LRRK2: variants seen among roughly 807,000 people sequenced by gnomAD.
LRRK2 encodes leucine-rich repeat serine/threonine-protein kinase 2.
LRRK2 carries 203 observed loss-of-function variants against 302.6 expected under a neutral mutation model. That is an observed-to-expected ratio of 0.67 (90% CI 0.60 to 0.75). The LOEUF is 0.75. Among genes scored for constraint, LRRK2 ranks in the 30% least tolerant of loss-of-function variants. The pLI is 0.00. For missense variants in LRRK2, 2,830 were observed against 2,951.0 expected, an observed-to-expected ratio of 0.96 and a Z score of 0.95; for synonymous variants, 1,066 against 1,031.9, an observed-to-expected ratio of 1.03 and a Z score of -0.63.
At chr12:40,326,140 G>A (rs2136905679) in intron 38 of LRRK2, among the ~76,000 whole-genome samples, 1 of 152,262 alleles carries the variant, frequency 6.6e-6, no homozygotes, top group African/African-American at 2.4e-5. Context: ...TAATGCAGCG[G>A]CGATTCTCAA....
intron 31 of LRRK2, 100 bp downstream of exon 31, chr12:40,310,749 G>T (rs908250586): frequency 8.2e-7 from 1 of 1,220,588 alleles, no homozygotes; most frequent in African/African-American, 1.5e-5. Context: ...AAAATTGTGG[G>T]TTTTCTTTCC....
intron 38 of LRRK2, among the ~76,000 whole-genome samples, chr12:40,325,350 A>T (rs1322141827): frequency 6.6e-6 from 1 of 152,012 alleles, no homozygotes; most frequent in African/African-American, 2.4e-5. Flanking sequence ...GTTTGTGATT[A>T]CTCTCCCTTC....
In LRRK2 at chr12:40,225,223, A is replaced by G; in HGVS notation, c.92A>G (p.Gln31Arg). ...CTGAACAATGTCCAGGAAGGAAAAC[A>G]GATAGAAACGCTGGTCCAAATCCTG... ...VRLNNVQEGK[Q>R]IETLVQILED... is the part of the protein sequence containing the mutation. Residue 31 changes from glutamine (Q) to arginine (R), a missense_variant, in exon 1 of 51, where the codon CAG becomes CGG. Gln to Arg is a conservative substitution (Grantham distance 43, BLOSUM62 1). This residue lies in a region of LRRK2 where 2,121 missense variants were observed against 2,148.0 expected (regional missense o/e 0.99). Coordinates refer to ENST00000298910, the MANE Select transcript of LRRK2 (RefSeq NM_198578.4). The G allele has an allele frequency of 6.2e-7, 1 of 1,614,216 alleles. No homozygotes were observed. Among genetic ancestry groups the G allele is most frequent in the Non-Finnish European group, 8.5e-7 (1 of 1,180,028 alleles).
chr12:40,257,926 G>A lies in LRRK2; in HGVS notation c.1418+549G>A, dbSNP rs1942595947. ...TATGTGTGGATGGTGGTGGGGCAGG[G>A]TGGGATGAGGTGGGGGTGAGGGGTG... On this transcript the variant is annotated intron_variant, in intron 12 of 50. Transcript: ENST00000298910. 3.3e-5 allele frequency among the ~76,000 whole-genome samples: 5 copies of A among 151,276 alleles called. 1 individual carries two copies. The South Asian group carries it at 1.0e-3, about 32-fold the overall frequency.
chr12:40,229,211 C>A (rs936674846), intron 2 of LRRK2, among the ~76,000 whole-genome samples: 1 of 151,990 alleles, frequency 6.6e-6, no homozygotes, highest in African/African-American at 2.4e-5. Flanking sequence ...CTGTAAGTAT[C>A]CTTTACTGCT....
In LRRK2 at chr12:40,368,485, T is replaced by A; in HGVS notation, c.*720T>A. 6.6e-6 allele frequency: 1 copy of A among 151,854 alleles called. No homozygotes were observed. Among genetic ancestry groups the A allele is most frequent in the Non-Finnish European group, 1.5e-5 (1 of 67,756 alleles). The allele number at this position is 151,854 out of a possible 1,614,324, so 9.4% of individuals were successfully genotyped here. A position where few individuals can be genotyped will look rare whatever the true frequency, so the allele number is the denominator to read the frequency against. ...GTGTCTTTCCTAGACATAATAGAGT[T>A]GTTTTTCAACTCTATGTTTGAATGT... On this transcript the variant is annotated 3_prime_UTR_variant, in exon 51 of 51. Coordinates refer to ENST00000298910, the MANE Select transcript of LRRK2 (RefSeq NM_198578.4).
intron 33 of LRRK2, among the ~76,000 whole-genome samples, chr12:40,318,962 C>A (rs1263069579): frequency 6.6e-6 from 1 of 152,016 alleles, no homozygotes; most frequent in Non-Finnish European, 1.5e-5. Flanking sequence ...ACTGTACATA[C>A]AAAATAGAAA....
At chr12:40,351,761 C>T in intron 44 of LRRK2, 28 bp downstream of exon 44, 4 of 1,601,156 alleles carry the variant, frequency 2.5e-6, no homozygotes, top group South Asian at 1.1e-5. Flanking sequence ...TTAAATCTTT[C>T]ATAATTTAAA....
At position 40,364,861 on chromosome 12, in the gene LRRK2, A is replaced by C. The variant is rs1169684261; in HGVS notation, c.7201A>C (p.Asn2401His). The change falls in exon 49 of 51, where the codon AAC becomes CAC. Residue 2401 changes from asparagine to histidine, a missense_variant. Coordinates refer to ENST00000298910, the MANE Select transcript of LRRK2 (RefSeq NM_198578.4). The part of the protein sequence containing the change: ...HFLREVMVKE[N>H]KESKHKMSYS... Reference sequence around the variant, plus strand: ...TTCTAGGGAGGTAATGGTAAAAGAAAACAAGGAATCAAAACACAAAATGTC... The same window carrying C: ...TTCTAGGGAGGTAATGGTAAAAGAACACAAGGAATCAAAACACAAAATGTC... 1 of 1,611,790 alleles carries C rather than the reference A, an allele frequency of 6.2e-7. No homozygotes were observed. Among genetic ancestry groups the C allele is most frequent in the East Asian group, 2.2e-5 (1 of 44,818 alleles).
At chr12:40,277,577 A>G (rs1202896863) in intron 16 of LRRK2, among the ~76,000 whole-genome samples, 2 of 152,192 alleles carry the variant, frequency 1.3e-5, no homozygotes, top group Non-Finnish European at 2.9e-5. Context: ...TCTGGGTTTC[A>G]TCCTATAACT....
chr12:40,346,797 C>T lies in LRRK2; in HGVS notation c.6154C>T (p.Gln2052Ter). ...EVARGNVIYN[Q>*]QADVYSFGLL... ...TGCCAGAGGAAATGTCATTTATAAC[C>T]AACAGGCTGATGTTTATTCATTTGG... Residue 2052 changes from glutamine (Q) to a stop codon, truncating the protein, a stop_gained, in exon 42 of 51, where the codon CAA (glutamine) becomes TAA (stop). Coordinates refer to ENST00000298910, the MANE Select transcript of LRRK2 (RefSeq NM_198578.4). LOFTEE classifies it high-confidence loss of function. 1 of 1,613,918 alleles carries T rather than the reference C, an allele frequency of 6.2e-7. No individual in the cohort carries two copies. The highest frequency in any genetic ancestry group is 8.5e-7 in the Non-Finnish European group (1 of 1,179,902).
chr12:40,364,793 T>C, intron 48 of LRRK2, 49 bp from the exon 49 acceptor site: 1 of 1,338,448 alleles, frequency 7.5e-7, no homozygotes, highest in Admixed American at 1.7e-5. Flanking sequence ...AAATAGCATT[T>C]ATCTCTTAAT....
At chr12:40,346,272 T>G (rs1257527281) in intron 41 of LRRK2, among the ~76,000 whole-genome samples, 2 of 152,020 alleles carry the variant, frequency 1.3e-5, no homozygotes. Context: ...CAGGAAATAA[T>G]GAGAGTGTTA....
At chr12:40,361,494 C>T (rs1471407723) in intron 47 of LRRK2, among the ~76,000 whole-genome samples, 3 of 152,024 alleles carry the variant, frequency 2.0e-5, no homozygotes, top group Non-Finnish European at 4.4e-5. Context: ...TTCATCTTTG[C>T]TCCCCTTCCT....
chr12:40,282,908 C>G (rs996444461), intron 18 of LRRK2, among the ~76,000 whole-genome samples: 7 of 152,134 alleles, frequency 4.6e-5, no homozygotes, highest in African/African-American at 1.7e-4. Flanking sequence ...GAAAGTCACA[C>G]AGGTTTTGAA....
At chr12:40,257,738 T>C (rs1184546577) in intron 12 of LRRK2, among the ~76,000 whole-genome samples, 1 of 152,228 alleles carries the variant, frequency 6.6e-6, no homozygotes, top group Non-Finnish European at 1.5e-5. Flanking sequence ...TTTTGCTCTT[T>C]CACAACGAAT....
At chr12:40,364,741 C>A in intron 48 of LRRK2, 101 bp from the exon 49 acceptor site, 2 of 1,001,570 alleles carry the variant, frequency 2.0e-6, no homozygotes, top group South Asian at 1.4e-5. Flanking sequence ...GTGGTGGTGT[C>A]ATGTTTTAAT....
chr12:40,367,238 A>C lies in LRRK2; in HGVS notation c.7462+161A>C, dbSNP rs1237192443. ...AAGAACTTAGACATAAATTTTCAAA[A>C]TTACAAGTGATATGAAGTGTTAAAT... On this transcript the variant is annotated intron_variant, in intron 50 of 50. Transcript: ENST00000298910. The C allele has an allele frequency of 6.4e-6, 4 of 629,230 alleles. No homozygotes were observed. In the East Asian group the frequency reaches 1.2e-4, roughly 18 times the overall value. 39.0% of individuals were successfully genotyped at this position (629,230 alleles called of 1,614,324 possible).
intron 14 of LRRK2, among the ~76,000 whole-genome samples, chr12:40,271,178 A>G (rs528016503): frequency 6.6e-6 from 1 of 152,254 alleles, no homozygotes; most frequent in East Asian, 1.9e-4. Context: ...TAATTTTTCA[A>G]AGACTAATCC....
Sources: gnomAD v4.1 joint callset for allele counts (sites outside exome capture counted in the v4.1 genomes callset) on GRCh38, gnomAD v4.1.1 for gene constraint, gnomAD v4.1.1 regional missense constraint, MANE v1.5 for transcripts, NCBI Gene and HGNC (gene_info 2026-07-23, HGNC 2026-07-21) for gene names.